Variants in PRKCB observed in about 807,000 individuals in gnomAD.
PRKCB encodes protein kinase C beta type.
In PRKCB, 13 loss-of-function variants were observed where a neutral mutation model predicts 81.5. The observed-to-expected ratio is 0.16, with a 90% CI of 0.10 to 0.25. The LOEUF is 0.25. Among genes scored for constraint, PRKCB ranks in the 10% least tolerant of loss-of-function variants. The probability of loss-of-function intolerance (pLI) is 1.00; values close to 1 mark genes in which losing one functional copy is unlikely to be tolerated. For missense variants in PRKCB, 509 were observed against 875.7 expected, an observed-to-expected ratio of 0.58 and a Z score of 5.29; for synonymous variants, 335 against 321.4, an observed-to-expected ratio of 1.04 and a Z score of -0.45.
At position 23,898,931 on chromosome 16, in the gene PRKCB, C is replaced by T. The variant is rs187067021; in HGVS notation, c.205+61525C>T. Reference sequence around the variant, plus strand: ...TATACTTCATCAGGTTCTTCTGAGGCGCCAATGAAGTAACGTCTGGGAAAT... The same window carrying T: ...TATACTTCATCAGGTTCTTCTGAGGTGCCAATGAAGTAACGTCTGGGAAAT... On this transcript the variant is annotated intron_variant, in intron 2 of 16. Coordinates refer to ENST00000643927, the MANE Select transcript of PRKCB (RefSeq NM_002738.7). Among the ~76,000 whole-genome samples the T allele has an allele frequency of 9.0e-4, 137 of 152,210 alleles. 2 individuals carry two copies. The highest frequency in any genetic ancestry group is 8.6e-3 in the Admixed American group (131 of 15,296).
chr16:23,863,747 C>T (rs1262940164), intron 2 of PRKCB, among the ~76,000 whole-genome samples: 4 of 152,040 alleles, frequency 2.6e-5, no homozygotes, highest in African/African-American at 9.7e-5. Flanking sequence ...TGGACTGGCT[C>T]CTATATTAAA....
chr16:24,000,790 C>T (rs772086395), intron 3 of PRKCB, among the ~76,000 whole-genome samples: 15 of 152,138 alleles, frequency 9.9e-5, no homozygotes, highest in African/African-American at 1.4e-4. Flanking sequence ...GTTTCCATTT[C>T]CATTACTTCA....
chr16:23,933,026 AGCAGAT>A (rs1350907821), intron 2 of PRKCB, among the ~76,000 whole-genome samples: 1 of 152,138 alleles, frequency 6.6e-6, no homozygotes, highest in East Asian at 1.9e-4. Flanking sequence ...TGAATGCTGT[AGCAGAT>A]GCTATTAGCT....
At chr16:23,914,343 C>T (rs1376445717) in intron 2 of PRKCB, among the ~76,000 whole-genome samples, 1 of 152,072 alleles carries the variant, frequency 6.6e-6, no homozygotes, top group African/African-American at 2.4e-5. Context: ...CCAGTACAGC[C>T]CATCATTGGC....
chr16:24,092,512 C>T (rs1966388336), intron 5 of PRKCB, among the ~76,000 whole-genome samples: 1 of 152,190 alleles, frequency 6.6e-6, no homozygotes, highest in South Asian at 2.1e-4. Flanking sequence ...TTCCTGTGGG[C>T]TTTGTGGAAA....
In PRKCB at chr16:24,215,472, C is replaced by T; in HGVS notation, c.*656C>T. On this transcript the variant is annotated 3_prime_UTR_variant, in exon 17 of 17. Transcript: ENST00000643927. ...TACCTCAGTGTTGTAGTTTCTGATA[C>T]TTTATGTCTTTGCTCACCCTCATCC... The T allele has an allele frequency of 5.1e-6, 5 of 985,754 alleles. No individual in the cohort carries two copies. The highest frequency in any genetic ancestry group is 6.0e-6 in the Non-Finnish European group (5 of 829,930). 61.1% of individuals were successfully genotyped at this position (985,754 alleles called of 1,614,324 possible). A position where few individuals can be genotyped will look rare whatever the true frequency, so the allele number is the denominator to read the frequency against.
intron 2 of PRKCB, among the ~76,000 whole-genome samples, chr16:23,882,012 T>TTC (rs774974881): frequency 0.11 from 10,700 of 101,768 alleles, 1,112 homozygotes; most frequent in African/African-American, 0.11. Flanking sequence ...CTTTCTTTCT[T>TTC]TCTTTCTTTC....
chr16:23,993,214 A>G (rs1203010305), intron 3 of PRKCB, among the ~76,000 whole-genome samples: 2 of 152,200 alleles, frequency 1.3e-5, no homozygotes, highest in Non-Finnish European at 2.9e-5. Flanking sequence ...GGGAATATGC[A>G]TGGGAATGAT....
At chr16:24,146,477 CAG>C (rs1406930630) in intron 9 of PRKCB, among the ~76,000 whole-genome samples, 4 of 152,284 alleles carry the variant, frequency 2.6e-5, no homozygotes, top group African/African-American at 9.6e-5. Context: ...GTTCAGAAAA[CAG>C]TGAATTTCTC....
At chr16:24,206,322 C>A (rs1968044905) in intron 16 of PRKCB, among the ~76,000 whole-genome samples, 1 of 152,216 alleles carries the variant, frequency 6.6e-6, no homozygotes, top group Admixed American at 6.5e-5. Flanking sequence ...CCCTGCATTT[C>A]ACTGGATGTG....
At chr16:23,934,326 T>G (rs1233768916) in intron 2 of PRKCB, among the ~76,000 whole-genome samples, 5 of 150,370 alleles carry the variant, frequency 3.3e-5, no homozygotes, top group South Asian at 2.1e-4. Context: ...CTGTTTTTTT[T>G]TTTTTTTTTT....
chr16:24,114,622 G>T (rs551218934), intron 8 of PRKCB, among the ~76,000 whole-genome samples: 16 of 152,186 alleles, frequency 1.1e-4, no homozygotes, highest in African/African-American at 3.9e-4. Flanking sequence ...AAATGTTTGG[G>T]GGAAGATAGG....
At chr16:23,876,166 A>G (rs1963011312) in intron 2 of PRKCB, among the ~76,000 whole-genome samples, 2 of 152,226 alleles carry the variant, frequency 1.3e-5, no homozygotes, top group Non-Finnish European at 2.9e-5. Flanking sequence ...GAGGTGTGGG[A>G]TATAATGGTG....
intron 16 of PRKCB, among the ~76,000 whole-genome samples, chr16:24,213,066 G>A (rs962969621): frequency 6.7e-6 from 1 of 150,186 alleles, no homozygotes; most frequent in East Asian, 2.0e-4. Context: ...AGAGAGTCTC[G>A]CTCTGTCACC....
chr16:23,931,982 A>G (rs1337392380), intron 2 of PRKCB, among the ~76,000 whole-genome samples: 2 of 152,222 alleles, frequency 1.3e-5, no homozygotes, highest in Non-Finnish European at 2.9e-5. Flanking sequence ...TAGACATTAT[A>G]TATCTTCTAA....
At chr16:24,212,402 T>TA (rs35650101) in intron 16 of PRKCB, among the ~76,000 whole-genome samples, 5,024 of 97,128 alleles carry the variant, frequency 0.052, 178 homozygotes, top group Non-Finnish European at 0.061. Flanking sequence ...TTCTGTGCTT[T>TA]AAAAAAAAAA....
At chr16:23,901,188 C>T (rs1053759583) in intron 2 of PRKCB, among the ~76,000 whole-genome samples, 2 of 152,050 alleles carry the variant, frequency 1.3e-5, no homozygotes, top group Non-Finnish European at 2.9e-5. Context: ...AGCACGTGAG[C>T]GTTTGGGATA....
In PRKCB at chr16:24,217,949, T is replaced by A; in HGVS notation, c.*3133T>A. 1.0e-6 allele frequency: 1 copy of A among 985,382 alleles called. No homozygotes were observed. The highest frequency in any genetic ancestry group is 1.2e-6 in the Non-Finnish European group (1 of 829,936). 61.0% of individuals were successfully genotyped at this position (985,382 alleles called of 1,614,324 possible). On this transcript the variant is annotated 3_prime_UTR_variant, in exon 17 of 17. Coordinates refer to ENST00000643927, the MANE Select transcript of PRKCB (RefSeq NM_002738.7). ...TCAATGGGAATCAATTCCATTGTTTTGCCTCAGAGTAAAGTTTCTGGCTCG... is the reference window on the plus strand; with the variant it reads ...TCAATGGGAATCAATTCCATTGTTTAGCCTCAGAGTAAAGTTTCTGGCTCG...
At position 23,941,987 on chromosome 16, in the gene PRKCB, T is replaced by C. The variant is rs544832153; in HGVS notation, c.206-46521T>C. Among the ~76,000 whole-genome samples, 10 of 152,362 alleles carry C rather than the reference T, an allele frequency of 6.6e-5. No individual in the cohort carries two copies. The South Asian group carries it at 2.1e-3, about 32-fold the overall frequency. Reference sequence around the variant, plus strand: ...TATTCACAGGTTATATTATTTATTTTAGCAACTCTAAAGGAATCCATTGAA... The same window carrying C: ...TATTCACAGGTTATATTATTTATTTCAGCAACTCTAAAGGAATCCATTGAA... On this transcript the variant is annotated intron_variant, in intron 2 of 16. Transcript: ENST00000643927.
Sources: gnomAD v4.1 joint callset for allele counts (sites outside exome capture counted in the v4.1 genomes callset) on GRCh38, gnomAD v4.1.1 for gene constraint, MANE v1.5 for transcripts, NCBI Gene and HGNC (gene_info 2026-07-23, HGNC 2026-07-21) for gene names.